The following EML1 variants were observed in gnomAD, a reference collection of about 807,000 sequenced individuals.
EML1 encodes the protein EMAP like 1.
A neutral mutation model predicts 110.4 loss-of-function variants in EML1; 27 were observed. That is an observed-to-expected ratio of 0.24 (90% CI 0.18 to 0.34). EML1 has a LOEUF of 0.34. Among genes scored for constraint, EML1 ranks in the 10% least tolerant of loss-of-function variants. The pLI is 1.00. For synonymous variants in EML1, 344 were observed against 385.8 expected, an observed-to-expected ratio of 0.89 and a Z score of 1.27; for missense variants, 741 against 1,030.9, an observed-to-expected ratio of 0.72 and a Z score of 3.85.
chr14:99,910,860 T>G (rs1251325142), intron 12 of EML1, among the ~76,000 whole-genome samples: 1 of 152,204 alleles, frequency 6.6e-6, no homozygotes, highest in Non-Finnish European at 1.5e-5. Flanking sequence ...TGAGCATTTA[T>G]GAGCACTTAC....
At chr14:99,791,582 C>T (rs567359705), upstream of EML1, among the ~76,000 whole-genome samples, 4 of 152,306 alleles carry the variant, frequency 2.6e-5, no homozygotes, top group South Asian at 8.3e-4. Flanking sequence ...GTGCTGTCCC[C>T]GCTTGACCTT....
intron 1 of EML1, among the ~76,000 whole-genome samples, chr14:99,825,809 A>G (rs1213787698): frequency 2.0e-5 from 3 of 152,200 alleles, no homozygotes; most frequent in Non-Finnish European, 4.4e-5. Context: ...GTAGACTGCA[A>G]AGGGAGCAGT....
intron 1 of EML1, among the ~76,000 whole-genome samples, chr14:99,848,768 G>A (rs2058743752): frequency 6.6e-6 from 1 of 152,034 alleles, no homozygotes; most frequent in African/African-American, 2.4e-5. Flanking sequence ...TTCAAGACCA[G>A]CCTGGGCAAC....
intron 3 of EML1, among the ~76,000 whole-genome samples, chr14:99,877,905 T>TG (rs945625546): frequency 9.2e-5 from 14 of 152,178 alleles, no homozygotes; most frequent in Admixed American, 3.3e-4. Flanking sequence ...CCAGATGTCT[T>TG]GGGGGCACCA....
In EML1 at chr14:99,936,369, T is replaced by A; in HGVS notation, c.2095+35T>A. The A allele has an allele frequency of 6.3e-7, 1 of 1,595,358 alleles. No homozygotes were observed. Among genetic ancestry groups the A allele is most frequent in the South Asian group, 1.1e-5 (1 of 90,424 alleles). On this transcript the variant is annotated intron_variant, in intron 19 of 21. Transcript: ENST00000262233. The surrounding 1 kb of genome is among the most constrained non-coding windows in gnomAD (Gnocchi z 5.5). Reference sequence around the variant, plus strand: ...ACCCCGGGGTTGTATGAAGTCTCGATCTCAGAAAGCGTTCACTCTGAGATC... The same window carrying A: ...ACCCCGGGGTTGTATGAAGTCTCGAACTCAGAAAGCGTTCACTCTGAGATC...
upstream of EML1, among the ~76,000 whole-genome samples, chr14:99,769,074 T>C (rs2057396092): frequency 6.6e-6 from 1 of 152,092 alleles, no homozygotes; most frequent in Admixed American, 6.5e-5. Flanking sequence ...CAAACTGGTA[T>C]TGGTTGGTGG....
chr14:99,893,714 T>C (rs2059626540), intron 5 of EML1, among the ~76,000 whole-genome samples: 1 of 152,252 alleles, frequency 6.6e-6, no homozygotes. Context: ...GTATCCCTGG[T>C]TCCAACTGCC....
chr14:99,802,435 G>A (rs990054296), intron 1 of EML1, among the ~76,000 whole-genome samples: 1 of 152,036 alleles, frequency 6.6e-6, no homozygotes, highest in African/African-American at 2.4e-5. Flanking sequence ...GAGGTAGGAG[G>A]GTAGAGGTGG....
intron 1 of EML1, among the ~76,000 whole-genome samples, chr14:99,846,440 G>A (rs2058709780): frequency 2.0e-5 from 3 of 151,846 alleles, no homozygotes; most frequent in African/African-American, 7.3e-5. Context: ...GTACCACCAT[G>A]CCCAGCTAAT....
At chr14:99,874,976 A>T (rs762230243) in intron 3 of EML1, 1 of 1,613,722 alleles carries the variant, frequency 6.2e-7, no homozygotes. Flanking sequence ...AACTGAATAG[A>T]TCGACACCAA....
chr14:99,800,265 A>G lies in EML1; in HGVS notation c.67+6722A>G, dbSNP rs59480085. On this transcript the variant is annotated intron_variant, in intron 1 of 21. Coordinates refer to ENST00000262233, the MANE Select transcript of EML1 (RefSeq NM_004434.3). ...GGGGGTGTGCGAAGGTGTCAGCAGG[A>G]GCAAGTGCATACTCTCTTTGGTTTA... Among the ~76,000 whole-genome samples the G allele has an allele frequency of 5.0e-3, 761 of 152,252 alleles. 5 individuals carry two copies. Among genetic ancestry groups the G allele is most frequent in the African/African-American group, 0.017 (725 of 41,526 alleles).
chr14:99,918,604 G>A (rs986843266), intron 16 of EML1, among the ~76,000 whole-genome samples: 2 of 152,144 alleles, frequency 1.3e-5, no homozygotes, highest in Non-Finnish European at 1.5e-5. Context: ...GATCGTTTGA[G>A]GCTAGGAGTT....
At chr14:99,926,608 T>C (rs4905920) in intron 17 of EML1, among the ~76,000 whole-genome samples, 50,262 of 151,858 alleles carry the variant, frequency 0.33, 9,944 homozygotes, top group Non-Finnish European at 0.44. Flanking sequence ...TTAATGACTG[T>C]TTTTTATTGT....
chr14:99,911,603 TTTG>T, intron 13 of EML1, 27 bp downstream of exon 13: 1 of 1,602,832 alleles, frequency 6.2e-7, no homozygotes, highest in Non-Finnish European at 8.5e-7. Flanking sequence ...ACTGCTAAAA[TTTG>T]TTTTTAACCT....
At chr14:99,789,161 T>G (rs778960783), upstream of EML1, among the ~76,000 whole-genome samples, 2 of 152,156 alleles carry the variant, frequency 1.3e-5, no homozygotes, top group Non-Finnish European at 2.9e-5. Flanking sequence ...TTTCAACAAT[T>G]TTGAGTACCC....
In EML1 at chr14:99,851,024, G is replaced by A. The variant is rs943791323; in HGVS notation, c.239G>A (p.Gly80Glu). The change falls in exon 2 of 22, where the codon GGA (glycine) becomes GAA (glutamate). Residue 80 changes from glycine to glutamate, a missense_variant. Physicochemically the swap from Gly to Glu is moderately conservative, Grantham distance 98. Transcript: ENST00000262233. The stretch of plus-strand genomic sequence containing the variant: ...CAGCAGGCCGTGCTTAACAGGAAAG[G>A]ACCTACCAAAGGTGGGCGTTTGAGT... Reference protein sequence around the residue: ...EEQQAVLNRKGPTKARPLMQT... With the variant: ...EEQQAVLNRKEPTKARPLMQT... The A allele has an allele frequency of 2.5e-6, 4 of 1,612,806 alleles. No homozygotes were observed. The highest frequency in any genetic ancestry group is 3.4e-6 in the Non-Finnish European group (4 of 1,179,126).
chr14:99,787,470 G>A (rs1265087107), intron 1 of EML1, among the ~76,000 whole-genome samples: 1 of 151,864 alleles, frequency 6.6e-6, no homozygotes, highest in Non-Finnish European at 1.5e-5. Flanking sequence ...GTAGAGATGA[G>A]GTTTCACCAT....
chr14:99,802,019 A>T (rs1415177475), intron 1 of EML1, among the ~76,000 whole-genome samples: 1 of 152,146 alleles, frequency 6.6e-6, no homozygotes, highest in Admixed American at 6.5e-5. Context: ...TAAGAAGTGT[A>T]AGGAACAATG....
At chr14:99,917,895 A>T (rs2273704) in intron 16 of EML1, 46 bp downstream of exon 16, 3 of 1,596,654 alleles carry the variant, frequency 1.9e-6, no homozygotes, top group African/African-American at 1.3e-5. Context: ...CTTATGGAAA[A>T]GAGGCCTGTT....
Sources: allele counts gnomAD v4.1 joint callset (sites outside exome capture counted in the v4.1 genomes callset), GRCh38; gene constraint gnomAD v4.1.1; non-coding constraint Gnocchi (gnomAD v3.1); transcripts MANE v1.5; gene names NCBI Gene and HGNC (gene_info 2026-07-23, HGNC 2026-07-21).